The following MYO9A variants were observed in gnomAD, a reference collection of about 807,000 sequenced individuals.
MYO9A encodes myosin IXA, also known as unconventional myosin-IXa.
MYO9A carries 103 observed loss-of-function variants against 293.3 expected under a neutral mutation model. The ratio of observed to expected loss-of-function variants is 0.35; its 90% CI spans 0.30 to 0.41. MYO9A has a LOEUF of 0.41. MYO9A is among the 10% of genes least tolerant of loss of function. MYO9A has a pLI of 1.00. For synonymous variants in MYO9A, 1,001 were observed against 1,035.7 expected (o/e 0.97, Z 0.64); for missense variants, 2,685 against 3,033.0 (o/e 0.89, Z 2.69).
intron 1 of MYO9A, among the ~76,000 whole-genome samples, chr15:72,103,438 A>C (rs1366530252): frequency 1.4e-4 from 21 of 150,960 alleles, no homozygotes; most frequent in African/African-American, 4.4e-4. Context: ...GCAGCAGCAG[A>C]AGCAGAAGCA....
At chr15:71,955,615 T>G (rs2059159378) in intron 14 of MYO9A, among the ~76,000 whole-genome samples, 1 of 152,230 alleles carries the variant, frequency 6.6e-6, no homozygotes, top group Non-Finnish European at 1.5e-5. Flanking sequence ...TGATGAACAT[T>G]CAGGAACTAT....
intron 3 of MYO9A, among the ~76,000 whole-genome samples, chr15:72,030,310 G>T (rs1280089812): frequency 6.6e-6 from 1 of 152,122 alleles, no homozygotes; most frequent in African/African-American, 2.4e-5. Context: ...GATGCTGAAA[G>T]ATATTAAGAT....
At chr15:72,087,167 C>A (rs1007422664) in intron 1 of MYO9A, among the ~76,000 whole-genome samples, 1 of 152,214 alleles carries the variant, frequency 6.6e-6, no homozygotes, top group South Asian at 2.1e-4. Context: ...GGCTTCACTG[C>A]AAGCAGGCGC....
At chr15:71,963,672 G>A (rs1313812391) in intron 13 of MYO9A, among the ~76,000 whole-genome samples, 2 of 151,932 alleles carry the variant, frequency 1.3e-5, no homozygotes, top group East Asian at 1.9e-4. Flanking sequence ...AGCTGGTCTC[G>A]AACTCCTGAC....
At chr15:71,967,631 AAC>A (rs2075909931) in intron 13 of MYO9A, among the ~76,000 whole-genome samples, 1 of 152,186 alleles carries the variant, frequency 6.6e-6, no homozygotes, top group Non-Finnish European at 1.5e-5. Context: ...CCTAATGGTG[AAC>A]AGAGACATGA....
chr15:71,987,630 T>C (rs1335387193), intron 11 of MYO9A, among the ~76,000 whole-genome samples: 3 of 152,176 alleles, frequency 2.0e-5, no homozygotes, highest in African/African-American at 4.8e-5. Flanking sequence ...ACATCCTGCA[T>C]GGCAATTATT....
At chr15:72,079,606 T>A (rs1221596681) in intron 1 of MYO9A, among the ~76,000 whole-genome samples, 4 of 152,056 alleles carry the variant, frequency 2.6e-5, no homozygotes, top group Non-Finnish European at 5.9e-5. Context: ...TATACCAAAC[T>A]GGAAAGAGCA....
intron 6 of MYO9A, among the ~76,000 whole-genome samples, chr15:72,010,796 A>G (rs2077150325): frequency 6.6e-6 from 1 of 152,164 alleles, no homozygotes; most frequent in Non-Finnish European, 1.5e-5. Flanking sequence ...AGAAATTCAA[A>G]GCATTTACGG....
chr15:72,028,218 A>AAGATAT (rs2077737763), intron 3 of MYO9A, among the ~76,000 whole-genome samples: 1 of 134,256 alleles, frequency 7.4e-6, no homozygotes. Flanking sequence ...TAAATAAATA[A>AAGATAT]ATATATATAT....
intron 1 of MYO9A, among the ~76,000 whole-genome samples, chr15:72,101,245 G>C (rs1160345438): frequency 0.018 from 1,452 of 82,464 alleles, no homozygotes; most frequent in East Asian, 0.037. Flanking sequence ...AGGGAGGTGG[G>C]GGGGTCAGCC....
chr15:72,079,330 TA>T (rs1254201051), intron 1 of MYO9A, among the ~76,000 whole-genome samples: 3 of 152,028 alleles, frequency 2.0e-5, no homozygotes, highest in African/African-American at 7.2e-5. Context: ...ATTTTAAAAA[TA>T]AAGTATATTA....
intron 14 of MYO9A, among the ~76,000 whole-genome samples, chr15:71,957,262 C>G (rs894400889): frequency 6.6e-6 from 1 of 152,078 alleles, no homozygotes; most frequent in Non-Finnish European, 1.5e-5. Flanking sequence ...TGATATTCAG[C>G]CTTTTGTCTT....
intron 1 of MYO9A, among the ~76,000 whole-genome samples, chr15:72,083,012 T>A (rs1426133089): frequency 6.6e-6 from 1 of 151,900 alleles, no homozygotes; most frequent in Non-Finnish European, 1.5e-5. Context: ...TAGGTTTTGA[T>A]ATCAGGATGA....
At chr15:71,969,889 A>G (rs2075967696) in intron 12 of MYO9A, among the ~76,000 whole-genome samples, 1 of 152,160 alleles carries the variant, frequency 6.6e-6, no homozygotes, top group African/African-American at 2.4e-5. Context: ...TTCCTCAAAC[A>G]CTATCTGGAA....
intron 1 of MYO9A, among the ~76,000 whole-genome samples, chr15:72,068,714 T>G (rs1007337877): frequency 6.6e-6 from 1 of 152,024 alleles, no homozygotes; most frequent in Non-Finnish European, 1.5e-5. Flanking sequence ...TGGGATCAAG[T>G]GATCCTCCCA....
chr15:72,039,694 T>C (rs1360977224), intron 2 of MYO9A, among the ~76,000 whole-genome samples: 1 of 152,080 alleles, frequency 6.6e-6, no homozygotes, highest in Non-Finnish European at 1.5e-5. Flanking sequence ...CTGGGTGTGG[T>C]GGCGCACACC....
chr15:71,869,930 A>G (rs999266686), intron 32 of MYO9A, among the ~76,000 whole-genome samples: 3 of 152,202 alleles, frequency 2.0e-5, no homozygotes, highest in Non-Finnish European at 4.4e-5. Context: ...ACTAATATCC[A>G]TTCTTTGTTT....
At chr15:72,023,099 C>A (rs554640519) in intron 4 of MYO9A, among the ~76,000 whole-genome samples, 2 of 152,136 alleles carry the variant, frequency 1.3e-5, no homozygotes, top group East Asian at 3.9e-4. Context: ...ATATACAGGA[C>A]TTTAAAGAAA....
chr15:71,994,657 TC>T, intron 9 of MYO9A, 72 bp from the exon 10 acceptor site: 1 of 799,888 alleles, frequency 1.3e-6, no homozygotes, highest in East Asian at 2.8e-5. Context: ...AGTTGTTTGC[TC>T]CCATTCAAGA....
Sources: gnomAD v4.1 joint callset for allele counts (sites outside exome capture counted in the v4.1 genomes callset) on GRCh38, gnomAD v4.1.1 for gene constraint, MANE v1.5 for transcripts, NCBI Gene and HGNC (gene_info 2026-07-23, HGNC 2026-07-21) for gene names.